WDR17: variants seen among roughly 807,000 people sequenced by gnomAD.
The protein encoded by WDR17 is WD repeat domain 17.
Under a neutral mutation model 161.7 loss-of-function variants are expected in WDR17, and 143 were observed. The observed-to-expected ratio is 0.88, with a 90% CI of 0.77 to 1.02. WDR17 has a LOEUF of 1.02. Among genes scored for constraint, WDR17 ranks in the 50% least tolerant of loss-of-function variants. The pLI, the probability that WDR17 is intolerant of heterozygous loss-of-function variation, is 0.00. For synonymous variants in WDR17, 517 were observed against 515.6 expected (o/e 1.00, Z -0.04); for missense variants, 1,469 against 1,520.9 (o/e 0.97, Z 0.57).
chr4:176,092,476 G>C (rs1042635654), intron 1 of WDR17, among the ~76,000 whole-genome samples: 3 of 152,106 alleles, frequency 2.0e-5, no homozygotes, highest in African/African-American at 7.2e-5. Context: ...TACTGAATGG[G>C]AAAAATCTGA....
At chr4:176,129,818 T>C in intron 6 of WDR17, among the ~76,000 whole-genome samples, 1 of 150,024 alleles carries the variant, frequency 6.7e-6, no homozygotes, top group Non-Finnish European at 1.5e-5. Flanking sequence ...GGTCTAGAAA[T>C]ATTAGGACTA....
intron 11 of WDR17, among the ~76,000 whole-genome samples, chr4:176,143,187 T>C (rs919488719): frequency 6.6e-6 from 1 of 152,190 alleles, no homozygotes; most frequent in Non-Finnish European, 1.5e-5. Flanking sequence ...CCTTACACGC[T>C]GTTAAGGTTA....
chr4:176,114,014 C>T (rs1217636014), intron 2 of WDR17, among the ~76,000 whole-genome samples: 4 of 151,968 alleles, frequency 2.6e-5, no homozygotes, highest in African/African-American at 9.7e-5. Flanking sequence ...AGTGTGCTTA[C>T]AGTTACTATG....
At chr4:176,095,383 C>T (rs570200163) in intron 1 of WDR17, among the ~76,000 whole-genome samples, 2 of 152,110 alleles carry the variant, frequency 1.3e-5, no homozygotes, top group Non-Finnish European at 2.9e-5. Flanking sequence ...AAGCAAGAAC[C>T]TATTCCGAAG....
At chr4:176,115,233 A>G (rs978499651) in intron 2 of WDR17, among the ~76,000 whole-genome samples, 3 of 152,174 alleles carry the variant, frequency 2.0e-5, no homozygotes, top group Admixed American at 1.3e-4. Flanking sequence ...ATGGAGGCAC[A>G]CTTACAAAAG....
chr4:176,174,188 T>C (rs947827269), intron 25 of WDR17, among the ~76,000 whole-genome samples: 4 of 152,066 alleles, frequency 2.6e-5, no homozygotes, highest in South Asian at 2.1e-4. Flanking sequence ...GCTCTTTTTG[T>C]TTTAAAGCCT....
At chr4:176,131,289 G>C (rs1449511034) in intron 6 of WDR17, among the ~76,000 whole-genome samples, 1 of 152,072 alleles carries the variant, frequency 6.6e-6, no homozygotes, top group South Asian at 2.1e-4. Context: ...AGGGTGATAA[G>C]AAACCACATA....
chr4:176,168,245 A>G (rs1024777446), intron 22 of WDR17, among the ~76,000 whole-genome samples: 3 of 152,194 alleles, frequency 2.0e-5, no homozygotes, highest in Non-Finnish European at 4.4e-5. Flanking sequence ...ACTTAACTCA[A>G]TATTCTACTG....
rs868761655 is a variant in WDR17, at chr4:176,153,293, A to G, written c.2460+1326A>G. On this transcript the variant is annotated intron_variant, in intron 17 of 28. Coordinates refer to ENST00000508596, the MANE Select transcript of WDR17 (RefSeq NM_181265.4). ...ACTACTTGTCATAACTAAATCCCAC[A>G]CTGGCCAGAAGAAGGGTTTCTGCTG... Among the ~76,000 whole-genome samples, 9 of 152,316 alleles carry G rather than the reference A, an allele frequency of 5.9e-5. No individual in the cohort carries two copies. In the South Asian group the frequency reaches 1.5e-3, roughly 25 times the overall value.
Position 176,150,082 on chromosome 4 carries a change from G to A in WDR17, c.2087G>A (p.Gly696Asp). 1 of 1,613,956 alleles carries A rather than the reference G, an allele frequency of 6.2e-7. No homozygotes were observed. The highest frequency in any genetic ancestry group is 8.5e-7 in the Non-Finnish European group (1 of 1,179,960). The change falls in exon 15 of 29, where the codon GGT becomes GAT. Residue 696 changes from glycine to aspartate, a missense_variant. By Grantham distance (94) the Gly-to-Asp change is moderately conservative (BLOSUM62 -1). Transcript: ENST00000508596. ...CCAGGCACTCCTCCTCTACTGTGTG[G>A]TAAAGTGTCAAGAGATATTAGACAG... ...IEPGTPPLLC[G>D]KVSRDIRQEI...
rs187212541 is a variant in WDR17, at chr4:176,161,684, A to G, written c.2751-391A>G. Among the ~76,000 whole-genome samples, 239 of 152,346 alleles carry G rather than the reference A, an allele frequency of 1.6e-3. 1 individual carries two copies. The highest frequency in any genetic ancestry group is 0.011 in the East Asian group (58 of 5,184). On this transcript the variant is annotated intron_variant, in intron 20 of 28. Transcript: ENST00000508596. ...TGGATCTTTACTGCCATTCTCTGCC[A>G]TTTCTAAATTTGACATTTTAAAAAG...
chr4:176,084,797 A>G (rs930556639), intron 1 of WDR17, among the ~76,000 whole-genome samples: 7 of 147,618 alleles, frequency 4.7e-5, no homozygotes, highest in African/African-American at 1.7e-4. Flanking sequence ...AAATATATAT[A>G]TATATACACA....
At chr4:176,142,260 A>G (rs1268606888) in intron 11 of WDR17, among the ~76,000 whole-genome samples, 191 bp downstream of exon 11, 2 of 152,210 alleles carry the variant, frequency 1.3e-5, no homozygotes, top group South Asian at 2.1e-4. Context: ...TGAAGTTTTT[A>G]CATGATTTAC....
chr4:176,140,785 A>C (rs1214057682), intron 10 of WDR17, among the ~76,000 whole-genome samples: 1 of 151,428 alleles, frequency 6.6e-6, no homozygotes, highest in Non-Finnish European at 1.5e-5. Context: ...CCGGGAAGTT[A>C]AAATTTTCAG....
chr4:176,080,191 C>T (rs1289086490), intron 1 of WDR17, among the ~76,000 whole-genome samples: 4 of 151,748 alleles, frequency 2.6e-5, no homozygotes, highest in East Asian at 1.9e-4. Context: ...TTGTGGGGAA[C>T]ATCATAAGTT....
At chr4:176,119,372 TAAGA>T (rs1741177304) in intron 3 of WDR17, among the ~76,000 whole-genome samples, 1 of 152,158 alleles carries the variant, frequency 6.6e-6, no homozygotes, top group Admixed American at 6.5e-5. Flanking sequence ...AAATTCCTGA[TAAGA>T]CATAGATTAT....
chr4:176,143,457 A>T (rs1254213463), intron 11 of WDR17, among the ~76,000 whole-genome samples: 1 of 151,212 alleles, frequency 6.6e-6, no homozygotes, highest in South Asian at 2.1e-4. Context: ...TGAGCTCAGG[A>T]GTTCAATACC....
chr4:176,117,528 A>G (rs1159478422), intron 3 of WDR17, among the ~76,000 whole-genome samples: 1 of 152,084 alleles, frequency 6.6e-6, no homozygotes, highest in Non-Finnish European at 1.5e-5. Context: ...TGCAGAAGTA[A>G]TGATTAATTT....
chr4:176,089,222 G>A (rs909067016), intron 1 of WDR17, among the ~76,000 whole-genome samples: 2 of 135,448 alleles, frequency 1.5e-5, no homozygotes, highest in South Asian at 2.1e-4. Flanking sequence ...TAAAATAAAC[G>A]TACTCCCTCA....
Sources: gnomAD v4.1 joint callset for allele counts (sites outside exome capture counted in the v4.1 genomes callset) on GRCh38, gnomAD v4.1.1 for gene constraint, MANE v1.5 for transcripts, NCBI Gene and HGNC (gene_info 2026-07-23, HGNC 2026-07-21) for gene names.